CARS2: variants seen among roughly 807,000 people sequenced by gnomAD.
The protein encoded by CARS2 is cysteinyl-tRNA synthetase 2, mitochondrial.
Under a neutral mutation model 68.8 loss-of-function variants are expected in CARS2, and 52 were observed. The observed-to-expected ratio is 0.76, with a 90% confidence interval of 0.61 to 0.95. The LOEUF is 0.95. Among genes scored for constraint, CARS2 ranks in the 40% least tolerant of loss-of-function variants. The pLI is 0.00. For synonymous variants in CARS2, 314 were observed against 303.6 expected (o/e 1.03, Z -0.36); for missense variants, 780 against 754.2 (o/e 1.03, Z -0.40).
Position 110,642,483 on chromosome 13 carries a change from A to C in CARS2, c.1455T>G (p.Gly485=), listed in dbSNP as rs1419385415. 2 of 1,610,198 alleles carry C rather than the reference A, an allele frequency of 1.2e-6. No homozygotes were observed. Among genetic ancestry groups the C allele is most frequent in the African/African-American group, 2.7e-5 (2 of 74,864 alleles). ...GGAACCGCACCAGCTCGTCCACCAC[A>C]CCATGCAAGGTAGCCTCGCTGCCGT... The part of the protein sequence containing the change: ...SGDGSEATLH[G]VVDELVRFRQ... Residue 485 remains glycine, a synonymous_variant, in exon 14 of 15, where the codon GGT becomes GGG. Transcript: ENST00000257347.
chr13:110,696,970 C>T (rs773664197), intron 3 of CARS2, among the ~76,000 whole-genome samples: 1 of 152,218 alleles, frequency 6.6e-6, no homozygotes, highest in Admixed American at 6.5e-5. Flanking sequence ...CCTCTCCTCC[C>T]ATCCCCTGCG....
At chr13:110,699,063 G>A (rs2063708400) in intron 3 of CARS2, among the ~76,000 whole-genome samples, 1 of 152,108 alleles carries the variant, frequency 6.6e-6, no homozygotes, top group African/African-American at 2.4e-5. Context: ...GGGGCTTTTG[G>A]CAGGGCTTCT....
chr13:110,646,246 A>C, intron 11 of CARS2, 156 bp from the exon 12 acceptor site: 1 of 770,268 alleles, frequency 1.3e-6, no homozygotes, highest in South Asian at 2.1e-5. Flanking sequence ...TGAGTAGCAG[A>C]AAATTATGTA....
At chr13:110,693,248 G>A (rs996972236) in intron 3 of CARS2, among the ~76,000 whole-genome samples, 1 of 152,212 alleles carries the variant, frequency 6.6e-6, no homozygotes. Flanking sequence ...CTCTGCACGT[G>A]GCTGCACCAG....
At chr13:110,649,931 C>CTTTTTTTTTTTTTTTTTTTTTTTT (rs59276783) in intron 10 of CARS2, among the ~76,000 whole-genome samples, 2 of 73,146 alleles carry the variant, frequency 2.7e-5, no homozygotes, top group East Asian at 4.5e-4. Context: ...TGGATAACGA[C>CTTTTTTTTTTTTTTTTTTTTTTTT]TTTTTTTTTT....
At chr13:110,713,064 C>G in intron 1 of CARS2, 1 of 1,453,816 alleles carries the variant, frequency 6.9e-7, no homozygotes, top group Non-Finnish European at 9.1e-7. Context: ...CGCCCGTGCC[C>G]GGCCCTCCCC....
At chr13:110,713,357 G>A in exon 1 of CARS2, 6 of 1,077,674 alleles carry the variant, frequency 5.6e-6, no homozygotes, top group Non-Finnish European at 6.8e-6. Flanking sequence ...CGGGTTTTCA[G>A]CGAAGCAGGC....
chr13:110,674,623 A>G (rs1297970630), intron 7 of CARS2, among the ~76,000 whole-genome samples: 2 of 152,230 alleles, frequency 1.3e-5, no homozygotes, highest in African/African-American at 4.8e-5. Flanking sequence ...AAACGCAGGC[A>G]ATACCATTCA....
intron 3 of CARS2, among the ~76,000 whole-genome samples, chr13:110,697,631 C>A (rs2063661370): frequency 6.6e-6 from 1 of 152,220 alleles, no homozygotes; most frequent in Non-Finnish European, 1.5e-5. Flanking sequence ...TTAGTAGAGA[C>A]AGCGTTTTGC....
chr13:110,703,824 C>T (rs769338710), intron 2 of CARS2, among the ~76,000 whole-genome samples: 1 of 152,228 alleles, frequency 6.6e-6, no homozygotes, highest in Non-Finnish European at 1.5e-5. Context: ...TCACCTGAAG[C>T]AATGGGTTAT....
chr13:110,706,673 A>T (rs1287754285), upstream of CARS2, among the ~76,000 whole-genome samples: 1 of 149,964 alleles, frequency 6.7e-6, no homozygotes, highest in African/African-American at 2.5e-5. Context: ...CACCGTTAGC[A>T]TCCCAACACA....
chr13:110,706,214 C>A (rs2063955461), upstream of CARS2: 1 of 672,190 alleles, frequency 1.5e-6, no homozygotes, highest in South Asian at 6.9e-5. Context: ...ACGCCCACTC[C>A]CGGAAGCAGT....
rs188013152 is a variant in CARS2, at chr13:110,700,536, G to A, written c.393+902C>T. ...CAACAATGGCCACGAGGAAACCCAG[G>A]GTGGCTGCAGGAGATCTTTGTACTA... is the stretch of plus-strand genomic sequence containing the variant. On this transcript the variant is annotated intron_variant, in intron 3 of 14. Transcript: ENST00000257347. Among the ~76,000 whole-genome samples, 4 of 152,300 alleles carry A rather than the reference G, an allele frequency of 2.6e-5. No homozygotes were observed. In the East Asian group the frequency reaches 7.7e-4, roughly 29 times the overall value.
upstream of CARS2, among the ~76,000 whole-genome samples, chr13:110,708,392 CA>C (rs1368189080): frequency 6.6e-6 from 1 of 152,194 alleles, no homozygotes; most frequent in African/African-American, 2.4e-5. Flanking sequence ...ATAACTGGAG[CA>C]GAGATTCTGA....
rs922204501 is a variant in CARS2 at position 110,663,685 on chromosome 13, C to G, written c.920-167G>C. ...CAAATCTTCACCCGTGCTGGGCCTT[C>G]CGGGAAGACAGGACCTGCCCTTGTT... On this transcript the variant is annotated intron_variant, in intron 8 of 14. Coordinates refer to ENST00000257347, the MANE Select transcript of CARS2 (RefSeq NM_024537.4). 2.9e-6 allele frequency: 4 copies of G among 1,398,438 alleles called. No homozygotes were observed. The African/African-American group carries it at 5.9e-5, about 21-fold the overall frequency. The allele number at this position is 1,398,438 out of a possible 1,614,324, so 86.6% of individuals were successfully genotyped here.
intron 3 of CARS2, among the ~76,000 whole-genome samples, chr13:110,696,936 C>A (rs140077770): frequency 2.0e-5 from 3 of 152,312 alleles, no homozygotes; most frequent in Non-Finnish European, 4.4e-5. Flanking sequence ...CCCCATGACA[C>A]CCTCCAAGTA....
intron 6 of CARS2, among the ~76,000 whole-genome samples, chr13:110,678,856 G>C (rs1424370834): frequency 6.6e-6 from 1 of 152,100 alleles, no homozygotes; most frequent in Non-Finnish European, 1.5e-5. Context: ...AAGAGTGGAC[G>C]GGGCTACAGA....
At chr13:110,703,414 G>C (rs2063849501) in intron 2 of CARS2, among the ~76,000 whole-genome samples, 1 of 152,218 alleles carries the variant, frequency 6.6e-6, no homozygotes, top group South Asian at 2.1e-4. Flanking sequence ...CTGACAGGAA[G>C]GTGGTCAACA....
At chr13:110,677,263 A>G (rs76103038) in intron 6 of CARS2, among the ~76,000 whole-genome samples, 160 bp from the exon 7 acceptor site, 236 of 23,518 alleles carry the variant, frequency 0.01, 14 homozygotes, top group African/African-American at 0.015. Flanking sequence ...CCCCCACCAC[A>G]GAGACCCAGT....
Sources: allele counts gnomAD v4.1 joint callset (sites outside exome capture counted in the v4.1 genomes callset), GRCh38; gene constraint gnomAD v4.1.1; transcripts MANE v1.5; gene names NCBI Gene and HGNC (gene_info 2026-07-23, HGNC 2026-07-21).